PLPPR1: variants seen among roughly 807,000 people sequenced by gnomAD.
PLPPR1 encodes phospholipid phosphatase-related protein type 1.
PLPPR1 carries 10 observed loss-of-function variants against 33.1 expected under a neutral mutation model. The ratio of observed to expected loss-of-function variants is 0.30; its 90% confidence interval spans 0.19 to 0.51. The LOEUF is 0.51. Ranked by LOEUF, PLPPR1 falls within the 20% of genes least tolerant of loss-of-function variation. PLPPR1 has a pLI of 0.97. For missense variants in PLPPR1, 304 were observed against 408.1 expected (o/e 0.74, Z 2.20); for synonymous variants, 151 against 151.0 (o/e 1.00, Z 0.00).
rs145599588 is a variant in PLPPR1, at chr9:101,266,509, G to A, written c.64-3371G>A. Among the ~76,000 whole-genome samples, 1,004 of 152,228 alleles carry A rather than the reference G, an allele frequency of 6.6e-3. 7 individuals are homozygous for A. The highest frequency in any genetic ancestry group is 0.022 in the African/African-American group (910 of 41,530). On this transcript the variant is annotated intron_variant, in intron 2 of 7. Transcript: ENST00000374874. ...AGCCAAGGCAAGCCAATTCATGCTC[G>A]TGGTGGGTGGTCAGTTCTGTCACAT...
rs534830326 is a variant in PLPPR1, at chr9:101,054,987, G to A, written c.-46+25885G>A. ...TTTTCTTTGCTTCTTGGTTAACAAC[G>A]TGGTCATTTCATAAGCGAAAGGCTC... On this transcript the variant is annotated intron_variant, in intron 1 of 7. Transcript: ENST00000374874. Among the ~76,000 whole-genome samples the A allele has an allele frequency of 6.6e-5, 10 of 152,274 alleles. No homozygotes were observed. The South Asian group carries it at 1.7e-3, about 25-fold the overall frequency.
chr9:101,314,663 T>G (rs1234362393), intron 6 of PLPPR1, among the ~76,000 whole-genome samples: 1 of 150,838 alleles, frequency 6.6e-6, no homozygotes, highest in African/African-American at 2.4e-5. Flanking sequence ...TTTAAAAAAG[T>G]GTTGACGCAG....
chr9:101,205,455 C>G (rs554892138), intron 2 of PLPPR1, among the ~76,000 whole-genome samples: 2 of 152,106 alleles, frequency 1.3e-5, no homozygotes, highest in African/African-American at 2.4e-5. Context: ...AGACATAAAT[C>G]ATGAATAAGT....
intron 1 of PLPPR1, among the ~76,000 whole-genome samples, chr9:101,100,097 A>C (rs903388818): frequency 5.9e-5 from 9 of 152,048 alleles, no homozygotes; most frequent in Admixed American, 2.6e-4. Flanking sequence ...TACAAGAATC[A>C]CATTTTAGGC....
At chr9:101,109,751 A>G (rs2031967054) in intron 1 of PLPPR1, among the ~76,000 whole-genome samples, 2 of 152,268 alleles carry the variant, frequency 1.3e-5, no homozygotes, top group South Asian at 4.1e-4. Context: ...ATTCTTGGGT[A>G]TATTCCTTTT....
chr9:101,087,347 A>G lies in PLPPR1; in HGVS notation c.-46+58245A>G, dbSNP rs148995616. Among the ~76,000 whole-genome samples the G allele has an allele frequency of 4.4e-3, 672 of 152,220 alleles. 10 individuals are homozygous for G. Among genetic ancestry groups the G allele is most frequent in the African/African-American group, 0.015 (615 of 41,552 alleles). ...ATATGTACTTTAATGTCCCTGTTTT[A>G]TGTTTATTTATTCTGCTAGTCTTTT... On this transcript the variant is annotated intron_variant, in intron 1 of 7. Coordinates refer to ENST00000374874, the MANE Select transcript of PLPPR1 (RefSeq NM_207299.2).
At chr9:101,273,527 C>A (rs1451555342) in intron 3 of PLPPR1, among the ~76,000 whole-genome samples, 1 of 152,164 alleles carries the variant, frequency 6.6e-6, no homozygotes, top group African/African-American at 2.4e-5. Flanking sequence ...GATAAGCAGG[C>A]AATGCTACCC....
intron 1 of PLPPR1, among the ~76,000 whole-genome samples, chr9:101,112,958 A>T (rs1831074215): frequency 6.6e-6 from 1 of 152,182 alleles, no homozygotes; most frequent in Non-Finnish European, 1.5e-5. Context: ...AGTGAACATG[A>T]TTTGCAGCTT....
chr9:101,076,445 T>G (rs773570811), intron 1 of PLPPR1, among the ~76,000 whole-genome samples: 9 of 152,324 alleles, frequency 5.9e-5, no homozygotes, highest in Middle Eastern at 3.4e-3. Context: ...GAAAGAACAA[T>G]TAGCAAATTC....
chr9:101,161,529 C>A (rs1372622585), intron 1 of PLPPR1, among the ~76,000 whole-genome samples: 1 of 151,984 alleles, frequency 6.6e-6, no homozygotes, highest in Non-Finnish European at 1.5e-5. Context: ...AGTTATGGAC[C>A]TACTCTAGGC....
At chr9:101,276,024 C>T (rs1828185670) in intron 3 of PLPPR1, among the ~76,000 whole-genome samples, 1 of 152,122 alleles carries the variant, frequency 6.6e-6, no homozygotes, top group South Asian at 2.1e-4. Flanking sequence ...GTGCAGATCA[C>T]AAAGTGGGCT....
chr9:101,034,356 G>A (rs920551727), intron 1 of PLPPR1, among the ~76,000 whole-genome samples: 18 of 152,102 alleles, frequency 1.2e-4, no homozygotes, highest in African/African-American at 4.1e-4. Flanking sequence ...AAAACTCAGA[G>A]AATTCAGATC....
chr9:101,230,121 T>G (rs1385267598), intron 2 of PLPPR1, among the ~76,000 whole-genome samples: 4 of 152,100 alleles, frequency 2.6e-5, no homozygotes, highest in Non-Finnish European at 5.9e-5. Flanking sequence ...TTAAAAGGTT[T>G]AATAAAGAAA....
In PLPPR1 at chr9:101,286,100, C is replaced by G; in HGVS notation, c.253-4C>G. ...TTGACATTTCTTAAACATTCCTTCC[C>G]TAGATTTTTATTGGTGAGATATCCA... On this transcript the variant is annotated splice_region_variant and splice_polypyrimidine_tract_variant and intron_variant, in intron 3 of 7. Coordinates refer to ENST00000374874, the MANE Select transcript of PLPPR1 (RefSeq NM_207299.2). 6.2e-7 allele frequency: 1 copy of G among 1,610,830 alleles called. No homozygotes were observed. The highest frequency in any genetic ancestry group is 1.1e-5 in the South Asian group (1 of 90,812).
chr9:101,056,266 A>G (rs1249427087), intron 1 of PLPPR1, among the ~76,000 whole-genome samples: 1 of 152,222 alleles, frequency 6.6e-6, no homozygotes, highest in Non-Finnish European at 1.5e-5. Flanking sequence ...TATTGACTCT[A>G]GTCTAGAGAT....
intron 3 of PLPPR1, among the ~76,000 whole-genome samples, chr9:101,285,616 A>G (rs1185019160): frequency 1.3e-5 from 2 of 152,234 alleles, no homozygotes; most frequent in East Asian, 3.8e-4. Context: ...TAATTGATAT[A>G]AAGAAGAGTT....
intron 4 of PLPPR1, among the ~76,000 whole-genome samples, chr9:101,302,564 G>C (rs553648230): frequency 6.6e-6 from 1 of 152,282 alleles, no homozygotes; most frequent in South Asian, 2.1e-4. Flanking sequence ...AAAGTAAACT[G>C]TATGTGTTTC....
At chr9:101,191,796 T>C (rs957118857) in intron 2 of PLPPR1, among the ~76,000 whole-genome samples, 2 of 152,172 alleles carry the variant, frequency 1.3e-5, no homozygotes, top group African/African-American at 4.8e-5. Context: ...TTATATATAT[T>C]TGTGCTAATA....
At chr9:101,182,490 A>AAT (rs1826132760) in intron 1 of PLPPR1, among the ~76,000 whole-genome samples, 1 of 151,786 alleles carries the variant, frequency 6.6e-6, no homozygotes, top group South Asian at 2.1e-4. Flanking sequence ...ATACCTCATA[A>AAT]ATATATATAA....
Sources: gnomAD v4.1 joint callset for allele counts (sites outside exome capture counted in the v4.1 genomes callset) on GRCh38, gnomAD v4.1.1 for gene constraint, MANE v1.5 for transcripts, NCBI Gene and HGNC (gene_info 2026-07-23, HGNC 2026-07-21) for gene names.